The following CERK variants were observed in gnomAD, a reference collection of about 807,000 sequenced individuals.
The protein encoded by CERK is ceramide kinase.
Under a neutral mutation model 63.4 loss-of-function variants are expected in CERK, and 39 were observed. The ratio of observed to expected loss-of-function variants is 0.61; its 90% CI spans 0.48 to 0.80. The LOEUF is 0.80. Ranked by LOEUF, CERK falls within the 30% of genes least tolerant of loss-of-function variation. The pLI, the probability that CERK is intolerant of heterozygous loss-of-function variation, is 0.00. For missense variants in CERK, 670 were observed against 714.1 expected (o/e 0.94, Z 0.70); for synonymous variants, 302 against 280.0 (o/e 1.08, Z -0.78).
chr22:46,687,556 G>A (rs1002028664), intron 12 of CERK, among the ~76,000 whole-genome samples: 6 of 152,200 alleles, frequency 3.9e-5, no homozygotes, highest in Non-Finnish European at 8.8e-5. Flanking sequence ...AAAGCAGAGC[G>A]TCCGCTCCAG....
At chr22:46,694,938 C>A (rs1022522376) in intron 9 of CERK, among the ~76,000 whole-genome samples, 7 of 152,194 alleles carry the variant, frequency 4.6e-5, no homozygotes, top group African/African-American at 1.7e-4. Context: ...CTGTGCTCAG[C>A]CCCCACTCCA....
rs760679995 is a variant in CERK at position 46,711,127 on chromosome 22, G to A, written c.528C>T (p.Ala176=). 9.9e-6 allele frequency: 16 copies of A among 1,613,564 alleles called. No individual in the cohort carries two copies. The East Asian group carries it at 1.6e-4, about 16-fold the overall frequency. Residue 176 remains alanine, a synonymous_variant, in exon 5 of 13, where the codon GCC becomes GCT. Coordinates refer to ENST00000216264, the MANE Select transcript of CERK (RefSeq NM_022766.6). The part of the protein sequence containing the change: ...DIIVTEHANQ[A]KETLYEINID... ...TGTTAATCTCATACAGAGTCTCCTT[G>A]GCCTGATTAGCATGTTCAGTAACTG... is the stretch of plus-strand genomic sequence containing the variant.
At chr22:46,724,258 GTAA>G (rs1056743138) in intron 1 of CERK, among the ~76,000 whole-genome samples, 5 of 152,232 alleles carry the variant, frequency 3.3e-5, no homozygotes, top group African/African-American at 1.2e-4. Context: ...TTATTTTATT[GTAA>G]TAATACAGCA....
chr22:46,707,446 C>A (rs1208947307), intron 6 of CERK, among the ~76,000 whole-genome samples: 1 of 152,190 alleles, frequency 6.6e-6, no homozygotes, highest in African/African-American at 2.4e-5. Flanking sequence ...CTCCTCCCAA[C>A]TCCCCAGCCC....
chr22:46,720,108 C>T lies in CERK; in HGVS notation c.357G>A (p.Leu119=). ...TACTCAGCTTCTCCAGCATCTCCCG[C>T]AGGGTCTGCAGCCACAAGTGACACA... ...EQLCHLWLQT[L]REMLEKLTSR... is the part of the protein sequence containing the mutation. The change falls in exon 3 of 13, where the codon CTG becomes CTA. Residue 119 remains leucine, a synonymous_variant. Coordinates refer to ENST00000216264, the MANE Select transcript of CERK (RefSeq NM_022766.6). The T allele has an allele frequency of 1.2e-6, 2 of 1,614,018 alleles. No homozygotes were observed. Among genetic ancestry groups the T allele is most frequent in the Non-Finnish European group, 1.7e-6 (2 of 1,180,008 alleles).
intron 4 of CERK, 44 bp downstream of exon 4, chr22:46,712,124 C>A: frequency 6.2e-7 from 1 of 1,609,024 alleles, no homozygotes; most frequent in Non-Finnish European, 8.5e-7. Context: ...ATACTTGAAT[C>A]ATTCTCAAAC....
At chr22:46,726,356 G>C (rs1005920224) in intron 1 of CERK, among the ~76,000 whole-genome samples, 2 of 152,194 alleles carry the variant, frequency 1.3e-5, no homozygotes, top group African/African-American at 4.8e-5. Context: ...GCAGGCCGCT[G>C]CCCACTGCGC....
At chr22:46,729,806 G>A (rs564379400) in intron 1 of CERK, among the ~76,000 whole-genome samples, 3 of 152,174 alleles carry the variant, frequency 2.0e-5, no homozygotes, top group South Asian at 2.1e-4. Context: ...TTGGGAGGCC[G>A]AGGCAGGTGA....
chr22:46,712,442 C>G (rs1569325286), intron 3 of CERK, 149 bp from the exon 4 acceptor site: 2 of 729,936 alleles, frequency 2.7e-6, no homozygotes, highest in Non-Finnish European at 4.4e-6. Flanking sequence ...AGAACAATGA[C>G]AAAGAGCTTC....
chr22:46,690,283 C>T (rs1027989427), intron 11 of CERK, 83 bp from the exon 12 acceptor site: 11 of 1,099,656 alleles, frequency 1.0e-5, no homozygotes, highest in South Asian at 7.1e-5. Context: ...GGCCTGACAG[C>T]GAGCGCTGTC....
intron 6 of CERK, among the ~76,000 whole-genome samples, chr22:46,702,944 C>A (rs1390724310): frequency 6.6e-6 from 1 of 152,200 alleles, no homozygotes; most frequent in East Asian, 1.9e-4. Context: ...GCCAGCACTG[C>A]CGCCACCCGA....
chr22:46,735,701 CCA>C lies in CERK; in HGVS notation c.142+2304_142+2305del, dbSNP rs200111188. ...TCATCATTCCTCAACCTAATCAATC[CCA>C]GTGTGCCCAGATACACCTGGGGGAA... On this transcript the variant is annotated intron_variant, in intron 1 of 12. Coordinates refer to ENST00000216264, the MANE Select transcript of CERK (RefSeq NM_022766.6). Among the ~76,000 whole-genome samples the C allele has an allele frequency of 3.2e-3, 487 of 152,268 alleles. 2 individuals are homozygous for C. Among genetic ancestry groups the C allele is most frequent in the African/African-American group, 9.1e-3 (378 of 41,526 alleles).
At chr22:46,712,117 C>T (rs906862486) in intron 4 of CERK, 51 bp downstream of exon 4, 3 of 1,606,858 alleles carry the variant, frequency 1.9e-6, no homozygotes, top group Non-Finnish European at 2.6e-6. Flanking sequence ...AGTGACTATA[C>T]TTGAATCATT....
At chr22:46,691,432 A>T in intron 11 of CERK, 140 bp downstream of exon 11, 2 of 685,410 alleles carry the variant, frequency 2.9e-6, no homozygotes, top group Non-Finnish European at 4.9e-6. Context: ...AGGAGTTTAA[A>T]GTTTGTGAAA....
intron 3 of CERK, among the ~76,000 whole-genome samples, chr22:46,712,516 G>A (rs974276577): frequency 6.6e-6 from 1 of 152,160 alleles, no homozygotes. Flanking sequence ...CACACATGTC[G>A]GACATCATGA....
chr22:46,696,622 G>A (rs888248046), intron 8 of CERK, among the ~76,000 whole-genome samples: 3 of 152,198 alleles, frequency 2.0e-5, no homozygotes, highest in African/African-American at 7.2e-5. Flanking sequence ...ATTTCCACAC[G>A]CTCATTCTCC....
intron 6 of CERK, among the ~76,000 whole-genome samples, chr22:46,704,129 C>T (rs1399854217): frequency 3.9e-5 from 6 of 152,228 alleles, no homozygotes; most frequent in Non-Finnish European, 8.8e-5. Flanking sequence ...GGGGCAGAGG[C>T]CACAGCCAAG....
intron 6 of CERK, among the ~76,000 whole-genome samples, chr22:46,702,223 A>ATATGTGTG (rs1555984593): frequency 1.3e-4 from 11 of 84,786 alleles, no homozygotes; most frequent in African/African-American, 2.6e-4. Context: ...AAATATATAT[A>ATATGTGTG]TGTGTGTGTG....
At position 46,693,475 on chromosome 22, in the gene CERK, G is replaced by C. The variant is rs1333930104; in HGVS notation, c.1078C>G (p.Gln360Glu). ...GCTTTCTTCTGCTCCTCCTCCAGCT[G>C]CTGCTTGCTTTGCCTGCAAACAAAG... ...GCFVCRQSKQQLEEEQKKALY... is the reference protein window; with the variant it reads ...GCFVCRQSKQELEEEQKKALY... Residue 360 changes from glutamine to glutamate, a missense_variant, in exon 10 of 13, where the codon CAG becomes GAG. Coordinates refer to ENST00000216264, the MANE Select transcript of CERK (RefSeq NM_022766.6). 3 of 1,614,038 alleles carry C rather than the reference G, an allele frequency of 1.9e-6. No individual in the cohort carries two copies.
Sources: gnomAD v4.1 joint callset for allele counts (sites outside exome capture counted in the v4.1 genomes callset) on GRCh38, gnomAD v4.1.1 for gene constraint, MANE v1.5 for transcripts, NCBI Gene and HGNC (gene_info 2026-07-23, HGNC 2026-07-21) for gene names.